STAU2: variants seen among roughly 807,000 people sequenced by gnomAD.
STAU2 encodes staufen double-stranded RNA binding protein 2.
A neutral mutation model predicts 65.9 loss-of-function variants in STAU2; 20 were observed. The observed-to-expected ratio is 0.30, with a 90% CI of 0.21 to 0.44. The LOEUF (loss-of-function observed/expected upper bound fraction) is 0.44. Among genes scored for constraint, STAU2 ranks in the 20% least tolerant of loss-of-function variants. STAU2 has a pLI of 1.00. For synonymous variants in STAU2, 232 were observed against 233.9 expected (o/e 0.99, Z 0.07); for missense variants, 558 against 683.9 (o/e 0.82, Z 2.05).
intron 13 of STAU2, among the ~76,000 whole-genome samples, chr8:73,523,323 A>G (rs1823161030): frequency 6.6e-6 from 1 of 152,146 alleles, no homozygotes; most frequent in East Asian, 1.9e-4. Context: ...CAACACACCA[A>G]GAGAGCACAG....
At chr8:73,593,870 GACAC>G (rs1166013326) in intron 11 of STAU2, among the ~76,000 whole-genome samples, 2 of 52,770 alleles carry the variant, frequency 3.8e-5, no homozygotes, top group Admixed American at 5.6e-4. Context: ...TACACAGACA[GACAC>G]ACACATACAC....
chr8:73,520,132 G>A lies in STAU2; in HGVS notation c.1530+31880C>T, dbSNP rs531932315. Reference sequence around the variant, plus strand: ...ACTCAGGACTGCTAGAGCATAAAGCGTGGGTATAAGTACAGGGTGAATGGT... The same window carrying A: ...ACTCAGGACTGCTAGAGCATAAAGCATGGGTATAAGTACAGGGTGAATGGT... On this transcript the variant is annotated intron_variant, in intron 13 of 14. Coordinates refer to ENST00000524300, the MANE Select transcript of STAU2 (RefSeq NM_001164380.2). Among the ~76,000 whole-genome samples, 6 of 152,328 alleles carry A rather than the reference G, an allele frequency of 3.9e-5. 1 individual carries two copies. The South Asian group carries it at 6.2e-4, about 16-fold the overall frequency.
chr8:73,549,611 A>G, intron 13 of STAU2: 2 of 981,280 alleles, frequency 2.0e-6, no homozygotes, highest in Non-Finnish European at 1.2e-6. Flanking sequence ...TTTGTTTTCA[A>G]TACACTCATA....
At chr8:73,603,690 T>C (rs1554548543) in intron 10 of STAU2, 36 bp downstream of exon 10, 1 of 1,597,580 alleles carries the variant, frequency 6.3e-7, no homozygotes, top group South Asian at 1.1e-5. Context: ...TGGGGATTTC[T>C]AAATCTTTTC....
intron 12 of STAU2, among the ~76,000 whole-genome samples, chr8:73,574,168 C>G (rs1362445181): frequency 6.6e-6 from 1 of 152,194 alleles, no homozygotes; most frequent in African/African-American, 2.4e-5. Flanking sequence ...CTCATCATCA[C>G]TGGCCATCAG....
Position 73,738,170 on chromosome 8 carries a change from T to C in STAU2, c.-18+114A>G, listed in dbSNP as rs1806578232. ...ATGACTATACAGTAGGTAACTGCTT[T>C]AAAAAGTGATGAGTCAGGTTACAGT... On this transcript the variant is annotated intron_variant, in intron 3 of 14. Transcript: ENST00000524300. 18 of 962,818 alleles carry C rather than the reference T, an allele frequency of 1.9e-5. No homozygotes were observed. The South Asian group carries it at 2.2e-4, about 12-fold the overall frequency. 59.6% of individuals were successfully genotyped at this position (962,818 alleles called of 1,614,324 possible).
chr8:73,423,219 G>A (rs1029096823), intron 13 of STAU2, among the ~76,000 whole-genome samples: 38 of 152,336 alleles, frequency 2.5e-4, no homozygotes, highest in African/African-American at 7.7e-4. Flanking sequence ...GGGATCCTGA[G>A]AGGATGAGGA....
chr8:73,452,935 GA>G lies in STAU2; in HGVS notation c.1531-30234del, dbSNP rs376893391. Among the ~76,000 whole-genome samples the G allele has an allele frequency of 1.1e-3, 161 of 152,302 alleles. 4 individuals are homozygous for G. Among genetic ancestry groups the G allele is most frequent in the African/African-American group, 3.6e-3 (149 of 41,564 alleles). ...GATGGTTTGCAGTAAGAAAGGTTTA[GA>G]AACAATAAAATGTAACTAGGATTTT... is the stretch of plus-strand genomic sequence containing the variant. On this transcript the variant is annotated intron_variant, in intron 13 of 14. Coordinates refer to ENST00000524300, the MANE Select transcript of STAU2 (RefSeq NM_001164380.2).
intron 10 of STAU2, among the ~76,000 whole-genome samples, chr8:73,601,615 C>A (rs936468926): frequency 6.6e-6 from 1 of 152,094 alleles, no homozygotes; most frequent in Non-Finnish European, 1.5e-5. Flanking sequence ...GATAAAATTG[C>A]TGCAATACTG....
Position 73,704,891 on chromosome 8 carries a change from TCTC to T in STAU2, c.114+4138_114+4140del, listed in dbSNP as rs1820395376. ...GCCATTTTGACCAGGATGATCTCAA[TCTC>T]CTGATCTCATAATCTGCCCACCTTG... On this transcript the variant is annotated intron_variant, in intron 4 of 14. Coordinates refer to ENST00000524300, the MANE Select transcript of STAU2 (RefSeq NM_001164380.2). 2.6e-5 allele frequency among the ~76,000 whole-genome samples: 4 copies of T among 152,090 alleles called. No homozygotes were observed. The South Asian group carries it at 8.3e-4, about 32-fold the overall frequency.
At chr8:73,614,625 T>C (rs1444820137) in intron 8 of STAU2, among the ~76,000 whole-genome samples, 1 of 152,168 alleles carries the variant, frequency 6.6e-6, no homozygotes, top group Non-Finnish European at 1.5e-5. Context: ...ATACTAAATA[T>C]TTAACCTTTA....
At chr8:73,493,007 C>A (rs1821223264) in intron 13 of STAU2, among the ~76,000 whole-genome samples, 3 of 151,820 alleles carry the variant, frequency 2.0e-5, no homozygotes, top group Non-Finnish European at 4.4e-5. Context: ...AGAAACAGAC[C>A]TACACTTACT....
chr8:73,566,790 T>C (rs773492670), intron 12 of STAU2, among the ~76,000 whole-genome samples: 6 of 152,228 alleles, frequency 3.9e-5, no homozygotes, highest in Non-Finnish European at 7.3e-5. Context: ...CCTCCTTATG[T>C]TGTTTTTCTT....
intron 6 of STAU2, chr8:73,653,789 C>T (rs1338538285): frequency 6.0e-6 from 2 of 335,248 alleles, no homozygotes; most frequent in African/African-American, 4.5e-5. Context: ...CTTCATGACA[C>T]CTTTAGGAGT....
intron 6 of STAU2, among the ~76,000 whole-genome samples, chr8:73,635,410 A>G (rs542051777): frequency 1.5e-4 from 23 of 152,348 alleles, no homozygotes; most frequent in Admixed American, 9.8e-4. Flanking sequence ...TTTGAAGGCA[A>G]GCCCATCTAT....
At chr8:73,654,637 C>CAA (rs71269928) in intron 6 of STAU2, among the ~76,000 whole-genome samples, 416 of 26,178 alleles carry the variant, frequency 0.016, 21 homozygotes, top group African/African-American at 0.035. Flanking sequence ...AAGATTGTCT[C>CAA]AAAAAAAAAA....
At chr8:73,628,669 C>T (rs1363168935) in intron 6 of STAU2, among the ~76,000 whole-genome samples, 1 of 152,044 alleles carries the variant, frequency 6.6e-6, no homozygotes, top group African/African-American at 2.4e-5. Context: ...AGTCCACAAG[C>T]ATATGTTTTT....
intron 13 of STAU2, among the ~76,000 whole-genome samples, chr8:73,501,539 T>C (rs56208360): frequency 0.012 from 1,896 of 151,744 alleles, 149 homozygotes; most frequent in Admixed American, 0.11. Context: ...TTCCCCAGTA[T>C]GTGTAAGTAA....
intron 13 of STAU2, among the ~76,000 whole-genome samples, chr8:73,467,236 T>C (rs1024872064): frequency 6.6e-6 from 1 of 152,182 alleles, no homozygotes; most frequent in Non-Finnish European, 1.5e-5. Context: ...AGTTAATAAT[T>C]GATTAGTTCT....
Sources: allele counts gnomAD v4.1 joint callset (sites outside exome capture counted in the v4.1 genomes callset), GRCh38; gene constraint gnomAD v4.1.1; transcripts MANE v1.5; gene names NCBI Gene and HGNC (gene_info 2026-07-23, HGNC 2026-07-21).